The following KCNK13 variants were observed in gnomAD, a reference collection of about 807,000 sequenced individuals.
KCNK13 encodes the protein potassium channel subfamily K member 13.
Under a neutral mutation model 23.4 loss-of-function variants are expected in KCNK13, and 12 were observed. The observed-to-expected ratio is 0.51, with a 90% CI of 0.33 to 0.83. The LOEUF is 0.83. Ranked by LOEUF, KCNK13 falls within the 40% of genes least tolerant of loss-of-function variation. The probability of loss-of-function intolerance (pLI) is 0.02; values close to 1 mark genes in which losing one functional copy is unlikely to be tolerated. For missense variants in KCNK13, 463 were observed against 556.3 expected (o/e 0.83, Z 1.69); for synonymous variants, 231 against 229.5 (o/e 1.01, Z -0.06).
rs1890528278 is a variant in KCNK13 at position 90,184,707 on chromosome 14, A to C, written c.931A>C (p.Arg311=). The change falls in exon 2 of 2, where the codon AGG becomes CGG. Residue 311 remains arginine (R), a synonymous_variant. Transcript: ENST00000282146. The surrounding 1 kb of genome is among the most constrained non-coding windows in gnomAD (Gnocchi z 5.6). ...CCAGAGAGGACTCTTGCGATCACGC[A>C]GGAACGTGGTGATGCCAGGCAGCGT... ...QCQRGLLRSR[R]NVVMPGSVRN... 2 of 1,614,224 alleles carry C rather than the reference A, an allele frequency of 1.2e-6. No individual in the cohort carries two copies. The highest frequency in any genetic ancestry group is 1.7e-6 in the Non-Finnish European group (2 of 1,180,046).
At chr14:90,068,660 CAA>C (rs1889036719) in intron 1 of KCNK13, among the ~76,000 whole-genome samples, 3 of 152,154 alleles carry the variant, frequency 2.0e-5, no homozygotes, top group Admixed American at 2.0e-4. Context: ...CCAACAGAAT[CAA>C]AGTCTGTGCT....
At chr14:90,179,679 C>T (rs1456643087) in intron 1 of KCNK13, among the ~76,000 whole-genome samples, 1 of 152,182 alleles carries the variant, frequency 6.6e-6, no homozygotes, top group Non-Finnish European at 1.5e-5. Context: ...GAACACCGAT[C>T]AGATAACTTC....
intron 1 of KCNK13, among the ~76,000 whole-genome samples, chr14:90,109,941 C>T (rs1566953222): frequency 6.6e-6 from 1 of 152,104 alleles, no homozygotes; most frequent in Non-Finnish European, 1.5e-5. Flanking sequence ...ATCCAAGACT[C>T]AAGTGATCCA....
chr14:90,139,473 CG>C (rs11292552), intron 1 of KCNK13, among the ~76,000 whole-genome samples: 151,793 of 152,088 alleles, frequency 1, 75,751 homozygotes, highest in South Asian at 1. Flanking sequence ...TTCGAGCATG[CG>C]GGGGCCCTGT....
chr14:90,117,252 G>C (rs1889687276), intron 1 of KCNK13, among the ~76,000 whole-genome samples: 2 of 152,122 alleles, frequency 1.3e-5, no homozygotes, highest in Non-Finnish European at 2.9e-5. Flanking sequence ...GAGTGGGACA[G>C]TGAGAGGTCT....
intron 1 of KCNK13, among the ~76,000 whole-genome samples, chr14:90,151,341 G>A (rs1890132305): frequency 6.6e-6 from 1 of 152,136 alleles, no homozygotes; most frequent in African/African-American, 2.4e-5. Flanking sequence ...ACAGTTGTGA[G>A]GTAATATCTC....
intron 1 of KCNK13, among the ~76,000 whole-genome samples, chr14:90,144,495 C>CTTTTT (rs71117323): frequency 0.38 from 45,705 of 118,768 alleles, 9,931 homozygotes; most frequent in East Asian, 0.78. Context: ...TTTACTTTCT[C>CTTTTT]TTTTTTTTTT....
chr14:90,092,912 C>CAAAAAAAAAAA (rs34122207), intron 1 of KCNK13, among the ~76,000 whole-genome samples: 16 of 78,306 alleles, frequency 2.0e-4, no homozygotes, highest in South Asian at 9.4e-4. Context: ...ACCCTGTCTC[C>CAAAAAAAAAAA]AAAAAAAAAA....
At position 90,101,806 on chromosome 14, in the gene KCNK13, A is replaced by AAAAAAAAAAAAAAAC. The variant is rs1566951708; in HGVS notation, c.334+39273_334+39274insAAAAAAAACAAAAAA. ...CTCCGTCTCCAAAAAAAAAAAAAAAAAAAAAACCTCACAAGTCACCGCTAA... is the reference window on the plus strand; with the variant it reads ...CTCCGTCTCCAAAAAAAAAAAAAAAAAAAAAAAAAAAAAACAAAAAACCTCACAAGTCACCGCTAA... On this transcript the variant is annotated intron_variant, in intron 1 of 1. Coordinates refer to ENST00000282146, the MANE Select transcript of KCNK13 (RefSeq NM_022054.4). 1.7e-4 allele frequency among the ~76,000 whole-genome samples: 25 copies of AAAAAAAAAAAAAAAC among 144,574 alleles called. 2 individuals are homozygous for AAAAAAAAAAAAAAAC. The highest frequency in any genetic ancestry group is 6.1e-4 in the African/African-American group (24 of 39,186). 94.8% of individuals were successfully genotyped at this position (144,574 alleles called of 152,430 possible).
chr14:90,072,663 G>A (rs372108196), intron 1 of KCNK13, among the ~76,000 whole-genome samples: 2 of 152,154 alleles, frequency 1.3e-5, no homozygotes, highest in African/African-American at 2.4e-5. Flanking sequence ...GGAACTAAGG[G>A]CAGTTACACT....
At chr14:90,133,700 C>T (rs1889902166) in intron 1 of KCNK13, among the ~76,000 whole-genome samples, 1 of 151,920 alleles carries the variant, frequency 6.6e-6, no homozygotes, top group South Asian at 2.1e-4. Flanking sequence ...AGAGCCCACA[C>T]TTCTGGCTTT....
chr14:90,076,790 T>A (rs774448619), intron 1 of KCNK13, among the ~76,000 whole-genome samples: 3 of 152,224 alleles, frequency 2.0e-5, no homozygotes, highest in Non-Finnish European at 4.4e-5. Context: ...TCTTGCTCAA[T>A]TGTTTTTCTA....
At chr14:90,088,812 C>A (rs1191664364) in intron 1 of KCNK13, among the ~76,000 whole-genome samples, 4 of 152,174 alleles carry the variant, frequency 2.6e-5, no homozygotes, top group African/African-American at 9.7e-5. Flanking sequence ...GGGGTTGAGT[C>A]TTTCCTGTGC....
intron 1 of KCNK13, among the ~76,000 whole-genome samples, chr14:90,166,467 G>A (rs535186108): frequency 1.6e-4 from 24 of 152,298 alleles, no homozygotes; most frequent in African/African-American, 5.5e-4. Flanking sequence ...GCACTTTGGG[G>A]TGCTAAGGCG....
At chr14:90,134,725 T>C (rs1889915157) in intron 1 of KCNK13, among the ~76,000 whole-genome samples, 1 of 152,238 alleles carries the variant, frequency 6.6e-6, no homozygotes, top group Non-Finnish European at 1.5e-5. Flanking sequence ...ACAGAGAAAC[T>C]GAACTGCAGA....
chr14:90,068,205 C>G (rs1253086486), intron 1 of KCNK13, among the ~76,000 whole-genome samples: 2 of 152,152 alleles, frequency 1.3e-5, no homozygotes, highest in East Asian at 3.9e-4. Context: ...CAAATCAAGT[C>G]ACAGAACCAC....
rs550501027 is a variant in KCNK13, at chr14:90,103,163, A to G, written c.334+40624A>G. Reference sequence around the variant, plus strand: ...CCATGTTGTATATGTATAATACCACATTGTCTTAATCCAATCCACTGTTGA... The same window carrying G: ...CCATGTTGTATATGTATAATACCACGTTGTCTTAATCCAATCCACTGTTGA... On this transcript the variant is annotated intron_variant, in intron 1 of 1. Coordinates refer to ENST00000282146, the MANE Select transcript of KCNK13 (RefSeq NM_022054.4). Among the ~76,000 whole-genome samples, 8 of 152,314 alleles carry G rather than the reference A, an allele frequency of 5.3e-5. No homozygotes were observed. The South Asian group carries it at 1.7e-3, about 32-fold the overall frequency.
At chr14:90,068,972 G>T (rs1889040790) in intron 1 of KCNK13, among the ~76,000 whole-genome samples, 1 of 151,170 alleles carries the variant, frequency 6.6e-6, no homozygotes, top group Non-Finnish European at 1.5e-5. Context: ...GAGATGCTCA[G>T]ATGGAGAGGC....
chr14:90,066,155 T>TA (rs966693755), intron 1 of KCNK13, among the ~76,000 whole-genome samples: 2 of 132,658 alleles, frequency 1.5e-5, no homozygotes, highest in Non-Finnish European at 3.2e-5. Context: ...TTTTTTTTTT[T>TA]AGTGGAGATG....
Sources: allele counts gnomAD v4.1 joint callset (sites outside exome capture counted in the v4.1 genomes callset), GRCh38; gene constraint gnomAD v4.1.1; non-coding constraint Gnocchi (gnomAD v3.1); transcripts MANE v1.5; gene names NCBI Gene and HGNC (gene_info 2026-07-23, HGNC 2026-07-21).